Variants in AK8 observed in about 807,000 individuals in gnomAD.
AK8 encodes the protein ATP-AMP transphosphorylase 8.
A neutral mutation model predicts 54.6 loss-of-function variants in AK8; 44 were observed. The observed-to-expected ratio is 0.81, with a 90% CI of 0.63 to 1.04. The LOEUF is 1.04. AK8 is among the 50% of genes least tolerant of loss of function. The pLI is 0.00. For synonymous variants in AK8, 239 were observed against 245.6 expected (o/e 0.97, Z 0.25); for missense variants, 555 against 613.6 (o/e 0.90, Z 1.01).
At chr9:132,870,193 T>C (rs571091992) in intron 2 of AK8, among the ~76,000 whole-genome samples, 1 of 152,336 alleles carries the variant, frequency 6.6e-6, no homozygotes, top group Admixed American at 6.5e-5. Context: ...TGTCTATGAA[T>C]AGACTTTAAA....
At chr9:132,831,591 C>G (rs1842103791) in intron 5 of AK8, among the ~76,000 whole-genome samples, 1 of 152,170 alleles carries the variant, frequency 6.6e-6, no homozygotes, top group Non-Finnish European at 1.5e-5. Context: ...ACGCTGGGAG[C>G]CCCCGCTTGC....
At chr9:132,773,071 A>AAAAGCCGAATTCCTTC (rs1839057391) in intron 11 of AK8, among the ~76,000 whole-genome samples, 1 of 152,194 alleles carries the variant, frequency 6.6e-6, no homozygotes, top group African/African-American at 2.4e-5. Context: ...CACTCCAAGG[A>AAAAGCCGAATTCCTTC]AAAGCCGAAT....
Position 132,792,605 on chromosome 9 carries a change from GGGCTGCTGGCTT to G in AK8, c.1121+17_1121+28del. 12 of 1,546,348 alleles carry G rather than the reference GGGCTGCTGGCTT, an allele frequency of 7.8e-6. No individual in the cohort carries two copies. Among genetic ancestry groups the G allele is most frequent in the Non-Finnish European group, 9.6e-6 (11 of 1,144,186 alleles). On this transcript the variant is annotated intron_variant, in intron 11 of 12. Coordinates refer to ENST00000298545, the MANE Select transcript of AK8 (RefSeq NM_152572.3). ...GAGGGGGTGCCCAGGGGCTTGGCCA[GGGCTGCTGGCTT>G]GGCTGGGGCAGCTCACCTGTTGGGA...
chr9:132,797,138 G>A (rs1037906188), intron 10 of AK8, among the ~76,000 whole-genome samples: 6 of 152,044 alleles, frequency 3.9e-5, no homozygotes, highest in African/African-American at 1.5e-4. Context: ...CATCACAAGC[G>A]CACATCAGTA....
intron 11 of AK8, among the ~76,000 whole-genome samples, chr9:132,729,558 GCTCA>G (rs1242194509): frequency 2.0e-5 from 3 of 152,142 alleles, no homozygotes; most frequent in Admixed American, 6.5e-5. Context: ...ACATTCCATT[GCTCA>G]CTATTTGCTC....
At chr9:132,795,420 A>C (rs1238644405) in intron 10 of AK8, among the ~76,000 whole-genome samples, 1 of 152,184 alleles carries the variant, frequency 6.6e-6, no homozygotes, top group African/African-American at 2.4e-5. Context: ...TTACTGTGTG[A>C]AAGAATTTGG....
At chr9:132,854,681 C>A (rs557994058) in intron 5 of AK8, among the ~76,000 whole-genome samples, 176 bp downstream of exon 5, 2 of 152,348 alleles carry the variant, frequency 1.3e-5, no homozygotes, top group East Asian at 1.9e-4. Flanking sequence ...CCACACTGTT[C>A]CTTTTCCTTT....
At chr9:132,866,518 G>C (rs772174863) in intron 3 of AK8, among the ~76,000 whole-genome samples, 8 of 152,190 alleles carry the variant, frequency 5.3e-5, no homozygotes, top group Non-Finnish European at 1.2e-4. Context: ...AAAATGCTCA[G>C]AGTAAATATT....
At position 132,814,600 on chromosome 9, in the gene AK8, C is replaced by G. The variant is rs774197640; in HGVS notation, c.979+38G>C. 18 of 1,584,854 alleles carry G rather than the reference C, an allele frequency of 1.1e-5. No homozygotes were observed. The African/African-American group carries it at 2.4e-4, about 22-fold the overall frequency. On this transcript the variant is annotated intron_variant, in intron 10 of 12. Transcript: ENST00000298545. ...CACAAAAAGAAAGTTCTCTCTGGAGCCTGTAAGGTCATGACAGTTAGTGGG... is the reference window on the plus strand; with the variant it reads ...CACAAAAAGAAAGTTCTCTCTGGAGGCTGTAAGGTCATGACAGTTAGTGGG...
In AK8 at chr9:132,863,734, C is replaced by T; in HGVS notation, c.264G>A (p.Leu88=). The T allele has an allele frequency of 6.2e-7, 1 of 1,614,156 alleles. No individual in the cohort carries two copies. The highest frequency in any genetic ancestry group is 1.1e-5 in the South Asian group (1 of 91,078). ...CKHLNSSLLT[L]ENLILNEFSY... is the part of the protein sequence containing the mutation. ...AAAACTCATTTAAGATCAGGTTCTCCAGGGTGAGGAGACTGCTGTTCAGAT... is the reference window on the plus strand; with the variant it reads ...AAAACTCATTTAAGATCAGGTTCTCTAGGGTGAGGAGACTGCTGTTCAGAT... The change falls in exon 4 of 13, where the codon CTG becomes CTA. Residue 88 remains leucine (L), a synonymous_variant. Coordinates refer to ENST00000298545, the MANE Select transcript of AK8 (RefSeq NM_152572.3).
At position 132,792,787 on chromosome 9, in the gene AK8, G is replaced by T. The variant is rs529730405; in HGVS notation, c.980-12C>A. The T allele has an allele frequency of 1.3e-6, 2 of 1,555,060 alleles. No homozygotes were observed. The highest frequency in any genetic ancestry group is 4.8e-5 in the East Asian group (2 of 41,428). ...GAGGCTGTCAGGAACTGCAGAGAAG[G>T]GGGGCAAGTGAGTACCCTGCTGGCC... On this transcript the variant is annotated splice_polypyrimidine_tract_variant and intron_variant, in intron 10 of 12. Transcript: ENST00000298545.
intron 11 of AK8, among the ~76,000 whole-genome samples, chr9:132,761,506 C>T (rs1838471112): frequency 6.6e-6 from 1 of 152,130 alleles, no homozygotes; most frequent in Non-Finnish European, 1.5e-5. Flanking sequence ...CACGTATCTG[C>T]CCACCTCAGC....
chr9:132,753,300 T>C lies in AK8; in HGVS notation c.1122-25766A>G, dbSNP rs374337850. 7.2e-5 allele frequency among the ~76,000 whole-genome samples: 11 copies of C among 152,342 alleles called. No individual in the cohort carries two copies. The East Asian group carries it at 1.2e-3, about 16-fold the overall frequency. ...ACTGCCAAGAACAACCTCCATCCTA[T>C]GCTAGGGGCTGGGCCTGGCCCTGCA... is the stretch of plus-strand genomic sequence containing the variant. On this transcript the variant is annotated intron_variant, in intron 11 of 12. Transcript: ENST00000298545.
intron 3 of AK8, among the ~76,000 whole-genome samples, chr9:132,865,621 T>C (rs756679625): frequency 6.6e-6 from 1 of 151,760 alleles, no homozygotes; most frequent in Non-Finnish European, 1.5e-5. Flanking sequence ...AAGACCATCC[T>C]GGCCAACATG....
chr9:132,817,832 A>T (rs2131271681), intron 9 of AK8, among the ~76,000 whole-genome samples: 1 of 152,332 alleles, frequency 6.6e-6, no homozygotes, highest in African/African-American at 2.4e-5. Flanking sequence ...GAACTTCAAA[A>T]TTTGATTAAA....
intron 5 of AK8, among the ~76,000 whole-genome samples, chr9:132,829,715 G>A (rs1370061357): frequency 6.6e-6 from 1 of 152,090 alleles, no homozygotes; most frequent in African/African-American, 2.4e-5. Flanking sequence ...CTGGTTTAGA[G>A]GTTTATTTTT....
At chr9:132,858,102 C>T (rs1005798791) in intron 4 of AK8, among the ~76,000 whole-genome samples, 4 of 152,342 alleles carry the variant, frequency 2.6e-5, no homozygotes, top group Non-Finnish European at 2.9e-5. Flanking sequence ...CCCCTGGCCC[C>T]GGGTCTCCCT....
Position 132,799,840 on chromosome 9 carries a change from T to C in AK8, c.980-7065A>G, listed in dbSNP as rs1006921595. ...CTTCAAGCCCTCCTTGAAATTGATG[T>C]CAAGATGAGCATCAGTGTTCATGGG... On this transcript the variant is annotated intron_variant, in intron 10 of 12. Transcript: ENST00000298545. The surrounding 1 kb of genome is among the most constrained non-coding windows in gnomAD (Gnocchi z 5.0). Among the ~76,000 whole-genome samples the C allele has an allele frequency of 4.6e-5, 7 of 152,082 alleles. No individual in the cohort carries two copies. Among genetic ancestry groups the C allele is most frequent in the African/African-American group, 1.7e-4 (7 of 41,390 alleles).
chr9:132,875,558 C>T (rs963009989), intron 1 of AK8, among the ~76,000 whole-genome samples: 1 of 152,236 alleles, frequency 6.6e-6, no homozygotes, highest in Non-Finnish European at 1.5e-5. Context: ...AGATGCTGTT[C>T]CCTCAGCTTG....
Sources: allele counts gnomAD v4.1 joint callset (sites outside exome capture counted in the v4.1 genomes callset), GRCh38; gene constraint gnomAD v4.1.1; non-coding constraint Gnocchi (gnomAD v3.1); transcripts MANE v1.5; gene names NCBI Gene and HGNC (gene_info 2026-07-23, HGNC 2026-07-21).